HMOX2: variants seen among roughly 807,000 people sequenced by gnomAD.
The protein encoded by HMOX2 is heme oxygenase (decycling) 2.
Under a neutral mutation model 33.7 loss-of-function variants are expected in HMOX2, and 30 were observed. That is an observed-to-expected ratio of 0.89 (90% confidence interval 0.67 to 1.21). The LOEUF is 1.21. Among genes scored for constraint, HMOX2 ranks in the 50% most tolerant of loss-of-function variants. The pLI, the probability that HMOX2 is intolerant of heterozygous loss-of-function variation, is 0.00. For synonymous variants in HMOX2, 155 were observed against 155.0 expected (o/e 1.00, Z 0.00); for missense variants, 403 against 399.1 (o/e 1.01, Z -0.08).
rs769712712 is a variant in HMOX2, at chr16:4,509,572, G to A, written c.823+34G>A. On this transcript the variant is annotated intron_variant, in intron 5 of 5. Transcript: ENST00000570646. Reference sequence around the variant, plus strand: ...GTGTGTCCTGAGCTCCCCTCCTGGGGCAGGTGTAGCAGGAGACTCCACTGA... The same window carrying A: ...GTGTGTCCTGAGCTCCCCTCCTGGGACAGGTGTAGCAGGAGACTCCACTGA... The A allele has an allele frequency of 1.8e-5, 29 of 1,614,102 alleles. No homozygotes were observed. In the African/African-American group the frequency reaches 2.8e-4, roughly 16 times the overall value.
In HMOX2 at chr16:4,508,008, TGAA is replaced by T. The variant is rs1303846413; in HGVS notation, c.505_507del (p.Lys169del). ...GGGGATCTCTCGGGGGGCCAGGTGC[TGAA>T]GAAGGTGGCCCAGCGAGCACTGAAA... On this transcript the variant is annotated inframe_deletion, in exon 4 of 6. Transcript: ENST00000570646. The T allele has an allele frequency of 1.2e-6, 2 of 1,613,572 alleles. No individual in the cohort carries two copies. Among genetic ancestry groups the T allele is most frequent in the South Asian group, 1.1e-5 (1 of 91,034 alleles).
At chr16:4,500,302 C>T (rs1463258787) in intron 1 of HMOX2, among the ~76,000 whole-genome samples, 1 of 152,176 alleles carries the variant, frequency 6.6e-6, no homozygotes, top group African/African-American at 2.4e-5. Flanking sequence ...GCAAGGTGTT[C>T]AGCAGGGAGG....
chr16:4,502,003 T>C (rs775192292), intron 1 of HMOX2, among the ~76,000 whole-genome samples: 6 of 152,228 alleles, frequency 3.9e-5, no homozygotes, highest in Non-Finnish European at 7.3e-5. Flanking sequence ...TCCTTCAAAG[T>C]AAAATCGGTA....
At chr16:4,509,100 C>T (rs780436930) in intron 4 of HMOX2, among the ~76,000 whole-genome samples, 4 of 152,184 alleles carry the variant, frequency 2.6e-5, no homozygotes, top group Non-Finnish European at 5.9e-5. Context: ...TGCCTGTAAT[C>T]CCAGCACTTT....
intron 1 of HMOX2, chr16:4,502,759 G>A: frequency 6.6e-6 from 1 of 152,244 alleles, no homozygotes; most frequent in Non-Finnish European, 1.5e-5. Context: ...TACTTTGTCG[G>A]CCAGGCTGGA....
At chr16:4,503,760 A>T (rs2058618304) in intron 1 of HMOX2, among the ~76,000 whole-genome samples, 1 of 152,264 alleles carries the variant, frequency 6.6e-6, no homozygotes, top group East Asian at 1.9e-4. Context: ...CAAAAATGTA[A>T]CTAGGTATCT....
intron 1 of HMOX2, among the ~76,000 whole-genome samples, chr16:4,493,966 G>A (rs2058359601): frequency 6.6e-6 from 1 of 152,176 alleles, no homozygotes; most frequent in South Asian, 2.1e-4. Flanking sequence ...ACAGCCAAGT[G>A]ACAGTTGTGA....
intron 1 of HMOX2, among the ~76,000 whole-genome samples, chr16:4,498,513 T>G (rs189230178): frequency 3.1e-4 from 47 of 152,082 alleles, no homozygotes; most frequent in African/African-American, 1.1e-3. Context: ...TGGTTGGGAC[T>G]ACAGGTGTGT....
At chr16:4,481,753 T>C (rs978866217) in intron 1 of HMOX2, 6 of 152,228 alleles carry the variant, frequency 3.9e-5, no homozygotes, top group African/African-American at 1.4e-4. Flanking sequence ...TTGATGATAA[T>C]GTAATGTCAC....
In HMOX2 at chr16:4,505,588, C is replaced by A; in HGVS notation, c.64C>A (p.Leu22Ile). The A allele has an allele frequency of 6.3e-7, 1 of 1,599,804 alleles. No individual in the cohort carries two copies. Among genetic ancestry groups the A allele is most frequent in the Non-Finnish European group, 8.5e-7 (1 of 1,172,512 alleles). The change falls in exon 2 of 6, where the codon CTA becomes ATA. Residue 22 changes from leucine to isoleucine, a missense_variant. Leu to Ile is a conservative substitution (Grantham distance 5, BLOSUM62 2). Coordinates refer to ENST00000570646, the MANE Select transcript of HMOX2 (RefSeq NM_002134.4). ...GTCAGAAAAAAAGAACTCTGGGGCC[C>A]TAGAAAAGGAGAACCAAATGAGGTG... ...DESEKKNSGA[L>I]EKENQMRMAD...
chr16:4,487,693 G>C (rs182994725), intron 1 of HMOX2, among the ~76,000 whole-genome samples: 1 of 152,010 alleles, frequency 6.6e-6, no homozygotes, highest in African/African-American at 2.4e-5. Context: ...CCAGCTCCTT[G>C]GGAGGCTGAG....
chr16:4,481,632 C>G (rs377165770), intron 1 of HMOX2: 1 of 152,246 alleles, frequency 6.6e-6, no homozygotes, highest in Non-Finnish European at 1.5e-5. Context: ...CTTATGTTAT[C>G]TTTTTATTTT....
chr16:4,502,394 G>A (rs953827219), intron 1 of HMOX2, among the ~76,000 whole-genome samples: 4 of 152,208 alleles, frequency 2.6e-5, no homozygotes, highest in Admixed American at 6.5e-5. Flanking sequence ...CAAGAAGCAC[G>A]CTGAAGTTAC....
intron 1 of HMOX2, among the ~76,000 whole-genome samples, chr16:4,494,449 T>C (rs2058372865): frequency 6.6e-6 from 1 of 152,186 alleles, no homozygotes; most frequent in Non-Finnish European, 1.5e-5. Flanking sequence ...CTAGAAAGCT[T>C]TCCTAGAAAG....
At chr16:4,484,907 A>C (rs2058128420) in intron 1 of HMOX2, among the ~76,000 whole-genome samples, 1 of 151,984 alleles carries the variant, frequency 6.6e-6, no homozygotes, top group Non-Finnish European at 1.5e-5. Flanking sequence ...TCATGACAAG[A>C]AAAAAAATCT....
intron 1 of HMOX2, among the ~76,000 whole-genome samples, chr16:4,478,926 G>A (rs1167708143): frequency 6.6e-6 from 1 of 152,128 alleles, no homozygotes; most frequent in Non-Finnish European, 1.5e-5. Context: ...AGACCAAGGC[G>A]GGTGGATCAC....
chr16:4,488,974 T>C (rs2058242542), intron 1 of HMOX2, among the ~76,000 whole-genome samples: 1 of 152,054 alleles, frequency 6.6e-6, no homozygotes, highest in African/African-American at 2.4e-5. Flanking sequence ...GACAGGCATG[T>C]GCCACCACGC....
chr16:4,482,517 T>C (rs2058056677), intron 1 of HMOX2, among the ~76,000 whole-genome samples: 1 of 152,150 alleles, frequency 6.6e-6, no homozygotes, highest in Admixed American at 6.6e-5. Flanking sequence ...GGAGATAGCG[T>C]CAGATCCCAC....
At chr16:4,492,905 C>T (rs1225655902) in intron 1 of HMOX2, among the ~76,000 whole-genome samples, 1 of 152,128 alleles carries the variant, frequency 6.6e-6, no homozygotes, top group African/African-American at 2.4e-5. Context: ...GGTGTGTTGG[C>T]ACATGCCTGT....
Sources: gnomAD v4.1 joint callset for allele counts (sites outside exome capture counted in the v4.1 genomes callset) on GRCh38, gnomAD v4.1.1 for gene constraint, MANE v1.5 for transcripts, NCBI Gene and HGNC (gene_info 2026-07-23, HGNC 2026-07-21) for gene names.